Variants in RSPO2 observed in about 807,000 individuals in gnomAD.
RSPO2 encodes the protein R-spondin 2, also known as R-spondin-2.
In RSPO2, 14 loss-of-function variants were observed where a neutral mutation model predicts 30.9. The observed-to-expected ratio is 0.45, with a 90% CI of 0.30 to 0.71. The LOEUF (loss-of-function observed/expected upper bound fraction) is 0.71, where lower values mean the gene tolerates loss of function less well. Ranked by LOEUF, RSPO2 falls within the 30% of genes least tolerant of loss-of-function variation. RSPO2 has a pLI of 0.08. For missense variants in RSPO2, 264 were observed against 301.9 expected (o/e 0.87, Z 0.93); for synonymous variants, 107 against 96.4 (o/e 1.11, Z -0.64).
chr8:108,046,101 AGCT>A (rs752645673), intron 2 of RSPO2, among the ~76,000 whole-genome samples: 1 of 152,298 alleles, frequency 6.6e-6, no homozygotes, highest in African/African-American at 2.4e-5. Flanking sequence ...TGCAAATGAT[AGCT>A]GCTGCTGCTT....
intron 2 of RSPO2, among the ~76,000 whole-genome samples, chr8:108,002,469 T>C (rs1007105550): frequency 6.6e-6 from 1 of 152,162 alleles, no homozygotes; most frequent in Non-Finnish European, 1.5e-5. Flanking sequence ...TGTAGGAAAA[T>C]CTTCCCCTCC....
chr8:108,072,319 CTTTTTTTTTT>C (rs34402426), intron 2 of RSPO2, among the ~76,000 whole-genome samples: 1 of 84,272 alleles, frequency 1.2e-5, no homozygotes, highest in South Asian at 5.5e-4. Context: ...TGGCAGAGAA[CTTTTTTTTTT>C]TTTTTTTTTT....
At chr8:108,054,988 G>C (rs1444282640) in intron 2 of RSPO2, among the ~76,000 whole-genome samples, 1 of 152,152 alleles carries the variant, frequency 6.6e-6, no homozygotes, top group African/African-American at 2.4e-5. Context: ...GGGTGTGGTG[G>C]TGCGTGCCTG....
chr8:107,993,094 A>G (rs969040232), intron 2 of RSPO2, among the ~76,000 whole-genome samples: 10 of 152,206 alleles, frequency 6.6e-5, no homozygotes, highest in African/African-American at 2.4e-4. Flanking sequence ...TTTTGAAACT[A>G]AATATCTTAT....
intron 2 of RSPO2, among the ~76,000 whole-genome samples, chr8:108,079,726 G>T (rs1229481867): frequency 6.6e-6 from 1 of 150,844 alleles, no homozygotes; most frequent in South Asian, 2.1e-4. Context: ...TCAGGTCCCA[G>T]GGGTAAGCCT....
At chr8:107,916,935 A>G (rs1812001034) in intron 5 of RSPO2, among the ~76,000 whole-genome samples, 1 of 152,226 alleles carries the variant, frequency 6.6e-6, no homozygotes, top group African/African-American at 2.4e-5. Context: ...ATAGATTTGT[A>G]AAATTTTATT....
At chr8:107,929,930 A>G (rs987195810) in intron 5 of RSPO2, among the ~76,000 whole-genome samples, 1 of 152,290 alleles carries the variant, frequency 6.6e-6, no homozygotes, top group Admixed American at 6.5e-5. Context: ...TCTAGTATTC[A>G]TAGAAAAAAA....
intron 3 of RSPO2, among the ~76,000 whole-genome samples, chr8:107,987,110 T>C (rs1316390696): frequency 6.6e-6 from 1 of 152,184 alleles, no homozygotes; most frequent in Non-Finnish European, 1.5e-5. Flanking sequence ...CATCATCCAG[T>C]ACTTTAGCTA....
chr8:108,070,219 G>A (rs527605776), intron 2 of RSPO2, among the ~76,000 whole-genome samples: 1 of 151,524 alleles, frequency 6.6e-6, no homozygotes, highest in Non-Finnish European at 1.5e-5. Flanking sequence ...AGCTACTCAG[G>A]AAGCTAAGGT....
intron 5 of RSPO2, among the ~76,000 whole-genome samples, chr8:107,919,507 T>C (rs1477895670): frequency 6.6e-6 from 1 of 152,176 alleles, no homozygotes; most frequent in Admixed American, 6.5e-5. Context: ...TTAGGAGTCA[T>C]GCAGCTGGAA....
chr8:108,006,838 A>G (rs1815469087), intron 2 of RSPO2, among the ~76,000 whole-genome samples: 1 of 152,208 alleles, frequency 6.6e-6, no homozygotes, highest in Non-Finnish European at 1.5e-5. Flanking sequence ...GTCAACATTT[A>G]TATTTGTCTA....
chr8:107,962,486 T>C (rs1813659532), intron 3 of RSPO2, among the ~76,000 whole-genome samples: 1 of 151,622 alleles, frequency 6.6e-6, no homozygotes, highest in African/African-American at 2.4e-5. Context: ...AAAGTCCACA[T>C]ACAAATCTAC....
intron 2 of RSPO2, among the ~76,000 whole-genome samples, chr8:108,005,741 T>C (rs901842450): frequency 7.2e-5 from 11 of 152,172 alleles, no homozygotes; most frequent in African/African-American, 2.7e-4. Flanking sequence ...CAATTTATCC[T>C]GGAAGAGCTA....
At chr8:108,001,186 C>T (rs889646744) in intron 2 of RSPO2, among the ~76,000 whole-genome samples, 24 of 151,838 alleles carry the variant, frequency 1.6e-4, no homozygotes, top group Middle Eastern at 3.5e-3. Context: ...AGCGAGACTC[C>T]GTCTCAAAAA....
chr8:108,039,471 T>C (rs901615908), intron 2 of RSPO2, among the ~76,000 whole-genome samples: 1 of 152,108 alleles, frequency 6.6e-6, no homozygotes, highest in Non-Finnish European at 1.5e-5. Context: ...AGCTACTAAG[T>C]AGTAAATCCA....
At chr8:108,007,961 A>G (rs1479264041) in intron 2 of RSPO2, among the ~76,000 whole-genome samples, 1 of 152,172 alleles carries the variant, frequency 6.6e-6, no homozygotes, top group Admixed American at 6.5e-5. Flanking sequence ...TATGAAAAAA[A>G]TTAAAAATAC....
At chr8:107,929,258 T>C (rs1440839741) in intron 5 of RSPO2, among the ~76,000 whole-genome samples, 2 of 152,198 alleles carry the variant, frequency 1.3e-5, no homozygotes, top group Non-Finnish European at 2.9e-5. Flanking sequence ...GAAGTACTCA[T>C]GTCCAACGAA....
chr8:107,979,714 C>T (rs1218693908), intron 3 of RSPO2, among the ~76,000 whole-genome samples: 2 of 151,742 alleles, frequency 1.3e-5, no homozygotes, highest in Non-Finnish European at 2.9e-5. Context: ...TCATTGAGGT[C>T]TCTTCCCTCT....
At chr8:107,920,127 A>AGTGAAGGAGGG (rs61438068) in intron 5 of RSPO2, among the ~76,000 whole-genome samples, 1 of 151,616 alleles carries the variant, frequency 6.6e-6, no homozygotes, top group Non-Finnish European at 1.5e-5. Context: ...GGAGGAAGAG[A>AGTGAAGGAGGG]AAGAAGGAGG....
Sources: gnomAD v4.1 joint callset for allele counts (sites outside exome capture counted in the v4.1 genomes callset) on GRCh38, gnomAD v4.1.1 for gene constraint, MANE v1.5 for transcripts, NCBI Gene and HGNC (gene_info 2026-07-23, HGNC 2026-07-21) for gene names.